MRE11: variants seen among roughly 807,000 people sequenced by gnomAD.
The protein encoded by MRE11 is double-strand break repair protein MRE11.
A neutral mutation model predicts 91.7 loss-of-function variants in MRE11; 62 were observed. The observed-to-expected ratio is 0.68, with a 90% confidence interval of 0.55 to 0.84. The LOEUF (loss-of-function observed/expected upper bound fraction) is 0.84, where lower values mean the gene tolerates loss of function less well. Ranked by LOEUF, MRE11 falls within the 40% of genes least tolerant of loss-of-function variation. The pLI is 0.00. For synonymous variants in MRE11, 273 were observed against 271.4 expected (o/e 1.01, Z -0.06); for missense variants, 796 against 852.9 (o/e 0.93, Z 0.83).
chr11:94,480,626 A>G (rs1178020009), intron 4 of MRE11, among the ~76,000 whole-genome samples: 1 of 152,260 alleles, frequency 6.6e-6, no homozygotes, highest in African/African-American at 2.4e-5. Flanking sequence ...GTCAAAGAGT[A>G]CATGTATTTG....
chr11:94,426,429 T>A (rs1043105405), intron 19 of MRE11, among the ~76,000 whole-genome samples: 1 of 20,974 alleles, frequency 4.8e-5, no homozygotes, highest in African/African-American at 1.2e-4. Context: ...AAATTAACAA[T>A]TTGTTAATTT....
At chr11:94,506,748 G>T in the MRE11 span, among the ~76,000 whole-genome samples, 1 of 151,724 alleles carries the variant, frequency 6.6e-6, no homozygotes. Context: ...CCACCACGCC[G>T]AGCTAATTTT....
chr11:94,495,016 G>A (rs1325053151), upstream of MRE11, among the ~76,000 whole-genome samples: 1 of 152,278 alleles, frequency 6.6e-6, no homozygotes, highest in African/African-American at 2.4e-5. Context: ...CTGATTCCAA[G>A]GGTGTCTCTG....
At chr11:94,423,576 T>C (rs1166770168) in intron 19 of MRE11, among the ~76,000 whole-genome samples, 1 of 152,144 alleles carries the variant, frequency 6.6e-6, no homozygotes, top group Non-Finnish European at 1.5e-5. Context: ...CAGAGGAACA[T>C]CTGTTCTGCA....
intron 4 of MRE11, among the ~76,000 whole-genome samples, chr11:94,484,343 A>C (rs1947084472): frequency 6.6e-6 from 1 of 152,262 alleles, no homozygotes; most frequent in Admixed American, 6.5e-5. Flanking sequence ...CAATTAGAAT[A>C]TCACAGTTAT....
intron 9 of MRE11, among the ~76,000 whole-genome samples, chr11:94,468,885 TAAG>T (rs1398569813): frequency 6.6e-6 from 1 of 152,146 alleles, no homozygotes; most frequent in Non-Finnish European, 1.5e-5. Context: ...AGAAAATCTA[TAAG>T]AATATGATCT....
chr11:94,468,891 T>A (rs1005503178), intron 9 of MRE11, among the ~76,000 whole-genome samples: 6 of 152,168 alleles, frequency 3.9e-5, no homozygotes, highest in Non-Finnish European at 7.3e-5. Flanking sequence ...TCTATAAGAA[T>A]ATGATCTCCT....
intron 3 of MRE11, among the ~76,000 whole-genome samples, chr11:94,488,915 C>A (rs2000703): frequency 0.054 from 8,252 of 152,110 alleles, 316 homozygotes; most frequent in Admixed American, 0.12. Flanking sequence ...ATGTAACAAA[C>A]CTGCACATGT....
At chr11:94,482,920 A>AGCTTTGG (rs1301060878) in intron 4 of MRE11, among the ~76,000 whole-genome samples, 1 of 152,250 alleles carries the variant, frequency 6.6e-6, no homozygotes, top group Non-Finnish European at 1.5e-5. Flanking sequence ...CTTGGGTGAC[A>AGCTTTGG]GTAAGACTCC....
chr11:94,510,603 A>G, the MRE11 span, among the ~76,000 whole-genome samples: 1 of 152,244 alleles, frequency 6.6e-6, no homozygotes, highest in East Asian at 1.9e-4. Flanking sequence ...TATAGTGAAT[A>G]TAAGTCATTT....
At chr11:94,464,585 A>G (rs1213071440) in intron 10 of MRE11, among the ~76,000 whole-genome samples, 1 of 152,204 alleles carries the variant, frequency 6.6e-6, no homozygotes, top group Non-Finnish European at 1.5e-5. Flanking sequence ...AAACAAACAA[A>G]CAAACAAACA....
At chr11:94,457,887 T>TCTCTCACACACACACACACACA (rs372404360) in intron 13 of MRE11, among the ~76,000 whole-genome samples, 7 of 144,220 alleles carry the variant, frequency 4.9e-5, no homozygotes, top group Admixed American at 3.5e-4. Context: ...TCTCTCTCTC[T>TCTCTCACACACACACACACACA]CACACACACA....
At position 94,419,944 on chromosome 11, in the gene MRE11, A is replaced by G. The variant is rs1945124919; in HGVS notation, c.*181T>C. On this transcript the variant is annotated 3_prime_UTR_variant, in exon 20 of 20. Transcript: ENST00000323929. Reference sequence around the variant, plus strand: ...GTGATATTGAAACAAAGCTCTTACTACAACAACCAGGTTAAAAAAACAAGG... The same window carrying G: ...GTGATATTGAAACAAAGCTCTTACTGCAACAACCAGGTTAAAAAAACAAGG... 2 of 492,942 alleles carry G rather than the reference A, an allele frequency of 4.1e-6. No individual in the cohort carries two copies. Among genetic ancestry groups the G allele is most frequent in the Non-Finnish European group, 7.3e-6 (2 of 274,078 alleles). 30.5% of individuals were successfully genotyped at this position (492,942 alleles called of 1,614,324 possible).
At chr11:94,510,963 A>G in the MRE11 span, among the ~76,000 whole-genome samples, 2 of 152,220 alleles carry the variant, frequency 1.3e-5, no homozygotes, top group Non-Finnish European at 2.9e-5. Context: ...TCCTTAGCAC[A>G]TATAATAGCT....
the MRE11 span, among the ~76,000 whole-genome samples, chr11:94,503,103 TTATC>T: frequency 6.6e-6 from 1 of 152,224 alleles, no homozygotes; most frequent in Non-Finnish European, 1.5e-5. Context: ...AGTATTTTTT[TTATC>T]TATAGGCACA....
chr11:94,502,651 AAATT>A, the MRE11 span, among the ~76,000 whole-genome samples: 1 of 152,144 alleles, frequency 6.6e-6, no homozygotes, highest in Admixed American at 6.5e-5. Flanking sequence ...GGCTATAACT[AAATT>A]TATTTATTTA....
intron 15 of MRE11, 144 bp from the exon 16 acceptor site, chr11:94,446,037 T>C: frequency 1.5e-6 from 1 of 654,606 alleles, no homozygotes. Context: ...AACAAACATC[T>C]AGAGTCTGAC....
At chr11:94,437,108 G>C (rs1198350004) in intron 17 of MRE11, 69 bp downstream of exon 17, 1 of 1,323,596 alleles carries the variant, frequency 7.6e-7, no homozygotes, top group Non-Finnish European at 1.1e-6. Context: ...TTGTAAATCA[G>C]AGAGTTGACA....
At chr11:94,429,782 T>G (rs915358345) in intron 19 of MRE11, 129 bp downstream of exon 19, 5 of 780,990 alleles carry the variant, frequency 6.4e-6, no homozygotes, top group Non-Finnish European at 1.0e-5. Flanking sequence ...AACCTGCACA[T>G]GTACTCCCTG....
Sources: gnomAD v4.1 joint callset for allele counts (sites outside exome capture counted in the v4.1 genomes callset) on GRCh38, gnomAD v4.1.1 for gene constraint, MANE v1.5 for transcripts, NCBI Gene and HGNC (gene_info 2026-07-23, HGNC 2026-07-21) for gene names.